NBAS: variants seen among roughly 807,000 people sequenced by gnomAD.
NBAS encodes the protein NAG/BC035112 fusion.
NBAS carries 219 observed loss-of-function variants against 302.5 expected under a neutral mutation model. The observed-to-expected ratio is 0.72, with a 90% CI of 0.65 to 0.81. The LOEUF (loss-of-function observed/expected upper bound fraction) is 0.81. NBAS is among the 30% of genes least tolerant of loss of function. The pLI is 0.00. For synonymous variants in NBAS, 1,118 were observed against 1,021.6 expected, an observed-to-expected ratio of 1.09 and a Z score of -1.80; for missense variants, 2,932 against 2,841.6, an observed-to-expected ratio of 1.03 and a Z score of -0.72.
intron 23 of NBAS, 135 bp downstream of exon 23, chr2:15,424,180 A>T: frequency 9.5e-7 from 1 of 1,051,740 alleles, no homozygotes; most frequent in Non-Finnish European, 1.4e-6. Context: ...ACAAAGAAAT[A>T]AATATTCAAT....
the NBAS span, among the ~76,000 whole-genome samples, chr2:15,124,017 G>A: frequency 6.6e-6 from 1 of 152,194 alleles, no homozygotes; most frequent in Admixed American, 6.5e-5. Context: ...GATCAGTTAA[G>A]TGATTGTGAG....
chr2:15,147,579 C>T, the NBAS span, among the ~76,000 whole-genome samples: 8 of 151,790 alleles, frequency 5.3e-5, no homozygotes, highest in African/African-American at 1.7e-4. Flanking sequence ...GCAACAAGAG[C>T]GAAACTCCGT....
intron 38 of NBAS, among the ~76,000 whole-genome samples, chr2:15,313,280 C>T (rs924225043): frequency 6.6e-6 from 1 of 152,146 alleles, no homozygotes; most frequent in Non-Finnish European, 1.5e-5. Context: ...ATCTAAAACA[C>T]AAATACATAT....
the NBAS span, among the ~76,000 whole-genome samples, chr2:14,787,658 C>T: frequency 6.6e-6 from 1 of 152,334 alleles, no homozygotes; most frequent in East Asian, 1.9e-4. Flanking sequence ...CCCCCACTCT[C>T]TTCTGGCTTG....
Position 15,284,795 on chromosome 2 carries a change from C to T in NBAS, c.5138+2278G>A, listed in dbSNP as rs527941228. Among the ~76,000 whole-genome samples the T allele has an allele frequency of 4.6e-5, 7 of 152,284 alleles. No homozygotes were observed. The South Asian group carries it at 6.2e-4, about 14-fold the overall frequency. On this transcript the variant is annotated intron_variant, in intron 42 of 51. Transcript: ENST00000281513. Reference sequence around the variant, plus strand: ...CCTTTTAAGTAAAGAACAGGCAGCACCTAACACCACTTACTAAATCAATAT... The same window carrying T: ...CCTTTTAAGTAAAGAACAGGCAGCATCTAACACCACTTACTAAATCAATAT...
At chr2:14,995,100 T>A in the NBAS span, among the ~76,000 whole-genome samples, 1 of 152,196 alleles carries the variant, frequency 6.6e-6, no homozygotes, top group Non-Finnish European at 1.5e-5. Flanking sequence ...AGGGTACATG[T>A]GCACAACGTG....
intron 48 of NBAS, among the ~76,000 whole-genome samples, chr2:15,205,019 A>T (rs1963354): frequency 0.28 from 43,010 of 151,994 alleles, 7,413 homozygotes; most frequent in East Asian, 0.68. Flanking sequence ...AATAAAAAAT[A>T]AAAAAATTAA....
the NBAS span, among the ~76,000 whole-genome samples, chr2:14,790,443 C>CA: frequency 6.6e-6 from 1 of 152,090 alleles, no homozygotes; most frequent in Admixed American, 6.6e-5. Context: ...GTCTGTTTTG[C>CA]AATGTAAAAG....
At chr2:14,779,719 C>G in the NBAS span, among the ~76,000 whole-genome samples, 3 of 152,204 alleles carry the variant, frequency 2.0e-5, no homozygotes, top group African/African-American at 7.2e-5. Flanking sequence ...CTCCACCTCA[C>G]ATACTATATA....
the NBAS span, among the ~76,000 whole-genome samples, chr2:15,140,186 T>C: frequency 6.6e-6 from 1 of 152,212 alleles, no homozygotes; most frequent in Non-Finnish European, 1.5e-5. Context: ...TTCCAGTGAA[T>C]AGCCCGCCTC....
At chr2:14,787,459 C>G in the NBAS span, among the ~76,000 whole-genome samples, 4 of 152,296 alleles carry the variant, frequency 2.6e-5, no homozygotes, top group Non-Finnish European at 4.4e-5. Flanking sequence ...GTGGCTGGTA[C>G]CGGCTCTTCC....
At chr2:15,182,384 A>G (rs1419635415) in intron 50 of NBAS, among the ~76,000 whole-genome samples, 1 of 152,248 alleles carries the variant, frequency 6.6e-6, no homozygotes, top group Non-Finnish European at 1.5e-5. Context: ...TAAAATGGTT[A>G]AATAACTTGA....
At chr2:15,458,876 A>C (rs930463409) in intron 21 of NBAS, among the ~76,000 whole-genome samples, 6 of 90,126 alleles carry the variant, frequency 6.7e-5, no homozygotes, top group East Asian at 4.1e-4. Context: ...GTTTGAAAAC[A>C]AGCTAACTTA....
Position 15,402,160 on chromosome 2 carries a change from A to T in NBAS, c.3071+8T>A. 6.2e-7 allele frequency: 1 copy of T among 1,613,372 alleles called. No individual in the cohort carries two copies. Among genetic ancestry groups the T allele is most frequent in the Non-Finnish European group, 8.5e-7 (1 of 1,179,466 alleles). ...ACACAATAAGACTGGCATACTGTGT[A>T]TTCTTACCCATATCCTCTTTCTGGC... On this transcript the variant is annotated splice_region_variant and intron_variant, in intron 26 of 51. Transcript: ENST00000281513.
intron 27 of NBAS, among the ~76,000 whole-genome samples, chr2:15,395,174 G>A (rs146286520): frequency 6.6e-6 from 1 of 152,126 alleles, no homozygotes; most frequent in East Asian, 1.9e-4. Flanking sequence ...TTTCCTTGAG[G>A]TACTGATGGC....
At chr2:15,479,020 C>G (rs1680311951) in intron 12 of NBAS, among the ~76,000 whole-genome samples, 1 of 152,090 alleles carries the variant, frequency 6.6e-6, no homozygotes. Context: ...AAAAGCGTTG[C>G]TATACTTAAG....
At chr2:15,483,650 C>T (rs1680516462) in intron 12 of NBAS, among the ~76,000 whole-genome samples, 1 of 152,166 alleles carries the variant, frequency 6.6e-6, no homozygotes, top group African/African-American at 2.4e-5. Context: ...ATTTAATCAA[C>T]TCAAAACTGG....
chr2:15,162,085 C>G (rs1354228464), downstream of NBAS, among the ~76,000 whole-genome samples: 1 of 152,148 alleles, frequency 6.6e-6, no homozygotes, highest in African/African-American at 2.4e-5. Context: ...GGACAGAAAA[C>G]AGATACAGAG....
At chr2:15,293,240 CCT>C (rs1670398832) in intron 40 of NBAS, among the ~76,000 whole-genome samples, 1 of 152,062 alleles carries the variant, frequency 6.6e-6, no homozygotes, top group South Asian at 2.1e-4. Flanking sequence ...TGGCTAGACC[CCT>C]GAGGAGAAAA....
Sources: allele counts gnomAD v4.1 joint callset (sites outside exome capture counted in the v4.1 genomes callset), GRCh38; gene constraint gnomAD v4.1.1; transcripts MANE v1.5; gene names NCBI Gene and HGNC (gene_info 2026-07-23, HGNC 2026-07-21).